Variants in ZNF366 observed in about 807,000 individuals in gnomAD.
ZNF366 encodes zinc finger protein 366.
A neutral mutation model predicts 47.2 loss-of-function variants in ZNF366; 20 were observed. The observed-to-expected ratio is 0.42, with a 90% CI of 0.30 to 0.62. The LOEUF (loss-of-function observed/expected upper bound fraction) is 0.62, where lower values mean the gene tolerates loss of function less well. Among genes scored for constraint, ZNF366 ranks in the 20% least tolerant of loss-of-function variants. The pLI is 0.16. For missense variants in ZNF366, 987 were observed against 976.3 expected, an observed-to-expected ratio of 1.01 and a Z score of -0.15; for synonymous variants, 421 against 395.1, an observed-to-expected ratio of 1.07 and a Z score of -0.78.
intron 1 of ZNF366, among the ~76,000 whole-genome samples, chr5:72,468,003 A>G (rs546944818): frequency 3.7e-4 from 56 of 152,180 alleles, no homozygotes; most frequent in Non-Finnish European, 6.9e-4. Context: ...CATACAAAAG[A>G]TCTCCTAGTG....
chr5:72,447,163 G>A (rs1445348171), intron 4 of ZNF366, 80 bp downstream of exon 4: 26 of 1,513,006 alleles, frequency 1.7e-5, no homozygotes, highest in Non-Finnish European at 2.3e-5. Flanking sequence ...AACCCTCAAG[G>A]TAATGCCCCA....
chr5:72,504,733 CT>C (rs770824677), intron 1 of ZNF366, among the ~76,000 whole-genome samples: 3 of 152,014 alleles, frequency 2.0e-5, no homozygotes, highest in African/African-American at 4.8e-5. Context: ...AAATACAGTA[CT>C]CTTCAGTGTT....
chr5:72,488,103 G>A (rs1031387135), intron 1 of ZNF366, among the ~76,000 whole-genome samples: 1 of 152,030 alleles, frequency 6.6e-6, no homozygotes, highest in Non-Finnish European at 1.5e-5. Flanking sequence ...AGCTACTGGG[G>A]AGGCTGAGGG....
intron 1 of ZNF366, among the ~76,000 whole-genome samples, chr5:72,505,891 G>A (rs185072640): frequency 2.6e-5 from 4 of 152,214 alleles, no homozygotes; most frequent in East Asian, 1.9e-4. Flanking sequence ...GCTGGCAAAC[G>A]CTATTCACGT....
intron 1 of ZNF366, among the ~76,000 whole-genome samples, chr5:72,494,948 C>A (rs888941606): frequency 6.6e-6 from 1 of 152,090 alleles, no homozygotes; most frequent in Non-Finnish European, 1.5e-5. Flanking sequence ...ACTGGCTCAA[C>A]CCCCCGCATA....
chr5:72,456,387 C>G lies in ZNF366; in HGVS notation c.1524+17G>C. The G allele has an allele frequency of 6.3e-7, 1 of 1,590,480 alleles. No individual in the cohort carries two copies. The highest frequency in any genetic ancestry group is 1.1e-5 in the South Asian group (1 of 88,312). ...ATTTGCACAACCCTCTGGTTCCTCT[C>G]TAGTCCCACTGCCCACCTTGCATTT... is the stretch of plus-strand genomic sequence containing the variant. On this transcript the variant is annotated intron_variant, in intron 3 of 4. Coordinates refer to ENST00000318442, the MANE Select transcript of ZNF366 (RefSeq NM_152625.3).
chr5:72,467,606 G>C (rs912247241), intron 1 of ZNF366, among the ~76,000 whole-genome samples: 5 of 152,168 alleles, frequency 3.3e-5, no homozygotes, highest in Admixed American at 1.3e-4. Context: ...GAGTCACAGT[G>C]AGCCAGCATG....
chr5:72,450,279 C>G (rs969461287), intron 3 of ZNF366, among the ~76,000 whole-genome samples: 1 of 152,182 alleles, frequency 6.6e-6, no homozygotes, highest in Non-Finnish European at 1.5e-5. Flanking sequence ...CTTCTGGGAC[C>G]TTGGGGTACT....
chr5:72,501,158 A>G (rs985563372), intron 1 of ZNF366, among the ~76,000 whole-genome samples: 1 of 152,178 alleles, frequency 6.6e-6, no homozygotes, highest in South Asian at 2.1e-4. Context: ...AAACCTAGTA[A>G]TGACTCCTCC....
At chr5:72,460,118 CT>C in intron 2 of ZNF366, 46 bp downstream of exon 2, 1 of 1,587,330 alleles carries the variant, frequency 6.3e-7, no homozygotes, top group South Asian at 1.2e-5. Flanking sequence ...CAGGGCCCCG[CT>C]CCTCTTCCCA....
At chr5:72,445,149 T>C (rs1742933739) in intron 4 of ZNF366, among the ~76,000 whole-genome samples, 1 of 152,222 alleles carries the variant, frequency 6.6e-6, no homozygotes, top group Non-Finnish European at 1.5e-5. Flanking sequence ...GTGTCCCTGC[T>C]GTTGGGCACA....
At position 72,460,310 on chromosome 5, in the gene ZNF366, G is replaced by A. The variant is rs1743273184; in HGVS notation, c.1187C>T (p.Ser396Phe). 1.2e-6 allele frequency: 2 copies of A among 1,614,228 alleles called. No homozygotes were observed. Among genetic ancestry groups the A allele is most frequent in the Non-Finnish European group, 1.7e-6 (2 of 1,180,044 alleles). ...GTACTGGAAGGTCTTGTCGCACTCG[G>A]AGCAGTTGTACTGGATGGGGCCCCG... ...THRGPIQYNC[S>F]ECDKTFQYPS... is the part of the protein sequence containing the mutation. The change falls in exon 2 of 5, where the codon TCC becomes TTC. Residue 396 changes from serine to phenylalanine, a missense_variant. Ser to Phe is a radical substitution (Grantham distance 155). Around this residue, in one of 3 missense-constraint regions of ZNF366, gnomAD observed 591 missense variants for 560.9 expected, o/e 1.05. Coordinates refer to ENST00000318442, the MANE Select transcript of ZNF366 (RefSeq NM_152625.3).
Position 72,481,224 on chromosome 5 carries a change from C to T in ZNF366, c.-14-19714G>A, listed in dbSNP as rs112866878. Among the ~76,000 whole-genome samples, 326 of 151,922 alleles carry T rather than the reference C, an allele frequency of 2.1e-3. 1 individual carries two copies. The highest frequency in any genetic ancestry group is 5.8e-3 in the Admixed American group (88 of 15,274). On this transcript the variant is annotated intron_variant, in intron 1 of 4. Transcript: ENST00000318442. Reference sequence around the variant, plus strand: ...TTAAAAGACAAAATGTGTTGGTACCCGAATTAGATTAAGGTGAACAATTCT... The same window carrying T: ...TTAAAAGACAAAATGTGTTGGTACCTGAATTAGATTAAGGTGAACAATTCT...
At chr5:72,496,050 C>T (rs750120905) in intron 1 of ZNF366, among the ~76,000 whole-genome samples, 19 of 151,928 alleles carry the variant, frequency 1.3e-4, no homozygotes, top group Middle Eastern at 3.4e-3. Context: ...CTTAACTATA[C>T]AGGTTGGAGA....
chr5:72,463,928 C>T (rs569492511), intron 1 of ZNF366, among the ~76,000 whole-genome samples: 16 of 152,178 alleles, frequency 1.1e-4, no homozygotes, highest in African/African-American at 3.9e-4. Flanking sequence ...AATGGAAGAT[C>T]CTTTCCCTAT....
intron 1 of ZNF366, among the ~76,000 whole-genome samples, chr5:72,481,152 G>T (rs969815373): frequency 1.3e-5 from 2 of 152,138 alleles, no homozygotes; most frequent in Non-Finnish European, 2.9e-5. Context: ...AAGAACAGAA[G>T]AAAGTCCTGA....
intron 1 of ZNF366, among the ~76,000 whole-genome samples, chr5:72,495,375 G>A (rs951987536): frequency 2.6e-5 from 4 of 152,122 alleles, no homozygotes; most frequent in African/African-American, 7.2e-5. Context: ...TGAAGAAACC[G>A]CACAGGTGAA....
intron 3 of ZNF366, 114 bp downstream of exon 3, chr5:72,456,290 C>T: frequency 8.3e-7 from 1 of 1,205,216 alleles, no homozygotes; most frequent in Non-Finnish European, 1.2e-6. Context: ...GGCCACGGAC[C>T]TACTCTGAGC....
intron 1 of ZNF366, among the ~76,000 whole-genome samples, chr5:72,463,440 T>C (rs1743371222): frequency 6.6e-6 from 1 of 152,252 alleles, no homozygotes; most frequent in Non-Finnish European, 1.5e-5. Context: ...AGTGGAAAGA[T>C]AGCCCTGGCT....
Sources: allele counts gnomAD v4.1 joint callset (sites outside exome capture counted in the v4.1 genomes callset), GRCh38; gene constraint gnomAD v4.1.1; regional missense constraint gnomAD v4.1.1; transcripts MANE v1.5; gene names NCBI Gene and HGNC (gene_info 2026-07-23, HGNC 2026-07-21).